The following DENND5B variants were observed in gnomAD, a reference collection of about 807,000 sequenced individuals.
DENND5B encodes the protein DENN domain containing 5B.
A neutral mutation model predicts 140.6 loss-of-function variants in DENND5B; 34 were observed. The observed-to-expected ratio is 0.24, with a 90% CI of 0.18 to 0.32. DENND5B has a LOEUF of 0.32. Among genes scored for constraint, DENND5B ranks in the 10% least tolerant of loss-of-function variants. DENND5B has a pLI of 1.00. For synonymous variants in DENND5B, 551 were observed against 562.1 expected, an observed-to-expected ratio of 0.98 and a Z score of 0.28; for missense variants, 1,142 against 1,560.2, an observed-to-expected ratio of 0.73 and a Z score of 4.52.
chr12:31,547,730 A>G (rs2139216176), intron 1 of DENND5B, among the ~76,000 whole-genome samples: 1 of 149,986 alleles, frequency 6.7e-6, no homozygotes, highest in African/African-American at 2.5e-5. Context: ...TTTGAGACGG[A>G]GTTTTGCTCT....
At chr12:31,441,001 G>C (rs1305891712) in intron 7 of DENND5B, among the ~76,000 whole-genome samples, 1 of 152,152 alleles carries the variant, frequency 6.6e-6, no homozygotes, top group Non-Finnish European at 1.5e-5. Context: ...CTCCCAAAGT[G>C]CTGGGATTAC....
intron 4 of DENND5B, among the ~76,000 whole-genome samples, chr12:31,455,044 T>C (rs1161445880): frequency 6.6e-6 from 1 of 151,166 alleles, no homozygotes; most frequent in African/African-American, 2.4e-5. Flanking sequence ...ATGGTCTCGA[T>C]CTCCTGACCT....
intron 1 of DENND5B, among the ~76,000 whole-genome samples, chr12:31,502,919 T>C (rs1947066664): frequency 6.6e-6 from 1 of 152,176 alleles, no homozygotes; most frequent in Non-Finnish European, 1.5e-5. Context: ...AGTGGTTACT[T>C]AGATCTCTGA....
intron 1 of DENND5B, among the ~76,000 whole-genome samples, chr12:31,541,833 G>C (rs1258771498): frequency 6.6e-6 from 1 of 152,222 alleles, no homozygotes; most frequent in Non-Finnish European, 1.5e-5. Flanking sequence ...TAAAGAAAAT[G>C]TGGTACTTAT....
chr12:31,451,612 C>T (rs1593200038), intron 5 of DENND5B: 2 of 270,046 alleles, frequency 7.4e-6, no homozygotes, highest in East Asian at 1.1e-4. Context: ...CATGAGCCAC[C>T]GTGCCCGGCC....
intron 1 of DENND5B, among the ~76,000 whole-genome samples, chr12:31,582,724 T>C (rs1228749266): frequency 6.6e-6 from 1 of 152,218 alleles, no homozygotes; most frequent in Admixed American, 6.5e-5. Context: ...GCCTGCCCGA[T>C]AGTGTCGCCT....
At chr12:31,457,838 C>T (rs1277767364) in intron 4 of DENND5B, among the ~76,000 whole-genome samples, 1 of 151,968 alleles carries the variant, frequency 6.6e-6, no homozygotes, top group Non-Finnish European at 1.5e-5. Flanking sequence ...CTCAGCCTCC[C>T]GAGTAGCTGG....
chr12:31,407,742 C>T (rs1485508644), intron 14 of DENND5B, among the ~76,000 whole-genome samples: 1 of 152,170 alleles, frequency 6.6e-6, no homozygotes, highest in African/African-American at 2.4e-5. Context: ...AACTAGCACA[C>T]ACAGAGCATG....
intron 9 of DENND5B, 149 bp downstream of exon 9, chr12:31,426,144 G>C (rs7962896): frequency 0.55 from 435,856 of 799,736 alleles, 122,335 homozygotes; most frequent in East Asian, 0.85. Flanking sequence ...TTCAATACCC[G>C]AGTAAAGAGC....
chr12:31,423,141 G>A (rs1461900739), intron 11 of DENND5B, among the ~76,000 whole-genome samples: 1 of 151,870 alleles, frequency 6.6e-6, no homozygotes, highest in Non-Finnish European at 1.5e-5. Flanking sequence ...GGGTTTCACC[G>A]TGTTGGCCAG....
chr12:31,392,400 G>A lies in DENND5B; in HGVS notation c.3340-7C>T. ...ACACGGTGAGGCTTCCTCTCTGTGG[G>A]GCATAACACACAGTGCCAAAGAAAA... On this transcript the variant is annotated splice_polypyrimidine_tract_variant and splice_region_variant and intron_variant, in intron 18 of 20. Coordinates refer to ENST00000389082, the MANE Select transcript of DENND5B (RefSeq NM_144973.4). The A allele has an allele frequency of 6.2e-7, 1 of 1,612,854 alleles. No individual in the cohort carries two copies. Among genetic ancestry groups the A allele is most frequent in the African/African-American group, 1.3e-5 (1 of 74,842 alleles).
At chr12:31,464,735 T>A (rs1945180236) in intron 3 of DENND5B, among the ~76,000 whole-genome samples, 1 of 151,954 alleles carries the variant, frequency 6.6e-6, no homozygotes, top group Non-Finnish European at 1.5e-5. Flanking sequence ...TAATTTTTTG[T>A]GTTTTTTGTA....
At chr12:31,418,503 A>G (rs1339945086) in intron 11 of DENND5B, among the ~76,000 whole-genome samples, 2 of 151,222 alleles carry the variant, frequency 1.3e-5, no homozygotes, top group Non-Finnish European at 1.5e-5. Context: ...TATGTTGCCC[A>G]GGCTGGACTC....
intron 1 of DENND5B, among the ~76,000 whole-genome samples, chr12:31,508,838 A>T (rs959982581): frequency 2.0e-5 from 3 of 152,184 alleles, no homozygotes; most frequent in African/African-American, 7.2e-5. Context: ...GGAGGAGAAC[A>T]ATGACCTATA....
intron 1 of DENND5B, among the ~76,000 whole-genome samples, chr12:31,502,527 A>G (rs775798286): frequency 6.6e-6 from 1 of 152,170 alleles, no homozygotes; most frequent in African/African-American, 2.4e-5. Context: ...AGCAGCTTTG[A>G]AGAGTGTAAA....
rs1325996011 is a variant in DENND5B at position 31,566,262 on chromosome 12, GTGTGCTGTAATCACATC to G, written c.127+24427_127+24443del. Reference sequence around the variant, plus strand: ...TTGAGCCCAGGAGTTCGAGGCTATAGTGTGCTGTAATCACATCTGTGAATAGCTACTGCATTCCGGCC... The same window carrying G: ...TTGAGCCCAGGAGTTCGAGGCTATAGTGTGAATAGCTACTGCATTCCGGCC... On this transcript the variant is annotated intron_variant, in intron 1 of 20. Coordinates refer to ENST00000389082, the MANE Select transcript of DENND5B (RefSeq NM_144973.4). 2.0e-5 allele frequency among the ~76,000 whole-genome samples: 3 copies of G among 152,146 alleles called. No homozygotes were observed. The East Asian group carries it at 5.8e-4, about 29-fold the overall frequency.
intron 1 of DENND5B, among the ~76,000 whole-genome samples, chr12:31,537,645 G>A (rs115418779): frequency 0.014 from 2,143 of 151,958 alleles, 57 homozygotes; most frequent in African/African-American, 0.048. Flanking sequence ...AATGTAAATG[G>A]ACTACATTCT....
In DENND5B at chr12:31,453,551, G is replaced by A. The variant is rs1006159415; in HGVS notation, c.1093-1075C>T. 2.0e-5 allele frequency among the ~76,000 whole-genome samples: 3 copies of A among 152,126 alleles called. No homozygotes were observed. The East Asian group carries it at 5.8e-4, about 29-fold the overall frequency. Reference sequence around the variant, plus strand: ...GTGTTTCTAGATTGGGGGGTGGAGTGCCAAAAGTGTAGCCCATCACATAAA... The same window carrying A: ...GTGTTTCTAGATTGGGGGGTGGAGTACCAAAAGTGTAGCCCATCACATAAA... On this transcript the variant is annotated intron_variant, in intron 4 of 20. Transcript: ENST00000389082.
At chr12:31,497,610 T>C (rs969075479) in intron 1 of DENND5B, among the ~76,000 whole-genome samples, 4 of 150,366 alleles carry the variant, frequency 2.7e-5, no homozygotes, top group African/African-American at 9.8e-5. Flanking sequence ...ACTAAGAAAT[T>C]GTAAATTATT....
Sources: gnomAD v4.1 joint callset for allele counts (sites outside exome capture counted in the v4.1 genomes callset) on GRCh38, gnomAD v4.1.1 for gene constraint, MANE v1.5 for transcripts, NCBI Gene and HGNC (gene_info 2026-07-23, HGNC 2026-07-21) for gene names.